The following SCN2A variants were observed in gnomAD, a reference collection of about 807,000 sequenced individuals.
SCN2A encodes sodium channel protein type 2 subunit alpha.
In SCN2A, 20 loss-of-function variants were observed where a neutral mutation model predicts 188.7. The ratio of observed to expected loss-of-function variants is 0.11; its 90% CI spans 0.07 to 0.15. The LOEUF is 0.15. Among genes scored for constraint, SCN2A ranks in the 10% least tolerant of loss-of-function variants. The pLI is 1.00. For synonymous variants in SCN2A, 804 were observed against 833.1 expected, an observed-to-expected ratio of 0.97 and a Z score of 0.60; for missense variants, 1,278 against 2,445.0, an observed-to-expected ratio of 0.52 and a Z score of 10.07.
At chr2:165,308,203 C>T (rs1482021335) in intron 4 of SCN2A, among the ~76,000 whole-genome samples, 1 of 152,030 alleles carries the variant, frequency 6.6e-6, no homozygotes, top group Non-Finnish European at 1.5e-5. Context: ...TTGAAGATCA[C>T]CAGTGATTTA....
At chr2:165,300,301 C>T (rs544598681) in intron 3 of SCN2A, among the ~76,000 whole-genome samples, 1 of 152,232 alleles carries the variant, frequency 6.6e-6, no homozygotes, top group South Asian at 2.1e-4. Context: ...GGTAGATATT[C>T]TTGTAAGCAT....
intron 1 of SCN2A, among the ~76,000 whole-genome samples, chr2:165,241,959 G>T (rs1295879894): frequency 6.6e-6 from 1 of 152,074 alleles, no homozygotes; most frequent in African/African-American, 2.4e-5. Context: ...AGAACTATAG[G>T]CATCGTATAG....
intron 1 of SCN2A, among the ~76,000 whole-genome samples, chr2:165,281,198 G>A (rs945550247): frequency 6.6e-6 from 1 of 152,154 alleles, no homozygotes; most frequent in African/African-American, 2.4e-5. Flanking sequence ...CTGGGCAACA[G>A]AGCAAGACCC....
intron 1 of SCN2A, among the ~76,000 whole-genome samples, chr2:165,286,632 A>T (rs1158531948): frequency 2.0e-5 from 3 of 152,186 alleles, no homozygotes; most frequent in Non-Finnish European, 4.4e-5. Context: ...TTGGCCCCAA[A>T]GGAAAGTTCT....
intron 17 of SCN2A, among the ~76,000 whole-genome samples, chr2:165,358,665 T>G (rs1478580578): frequency 6.6e-6 from 1 of 152,058 alleles, no homozygotes; most frequent in Non-Finnish European, 1.5e-5. Flanking sequence ...AGAGTCCATC[T>G]TCTTCATTTT....
chr2:165,316,853 C>G (rs1697780315), intron 11 of SCN2A, among the ~76,000 whole-genome samples: 1 of 152,164 alleles, frequency 6.6e-6, no homozygotes. Context: ...TAAATAGTTG[C>G]ACAATGTCAT....
intron 1 of SCN2A, among the ~76,000 whole-genome samples, chr2:165,262,498 C>G (rs1027947981): frequency 5.3e-5 from 8 of 152,228 alleles, no homozygotes; most frequent in African/African-American, 1.7e-4. Context: ...AGTTACTTCA[C>G]TTAGAATAAT....
At chr2:165,331,676 C>G (rs1698682853) in intron 14 of SCN2A, 108 bp downstream of exon 14, 4 of 882,968 alleles carry the variant, frequency 4.5e-6, no homozygotes, top group Non-Finnish European at 7.4e-6. Flanking sequence ...CCATGTATAT[C>G]TTGACATCAA....
chr2:165,372,193 G>A (rs1701069475), intron 20 of SCN2A: 1 of 152,112 alleles, frequency 6.6e-6, no homozygotes. Context: ...CAAAGCCTAA[G>A]AGTTTGGATT....
At chr2:165,290,835 A>G in intron 1 of SCN2A, 1 of 933,254 alleles carries the variant, frequency 1.1e-6, no homozygotes, top group Non-Finnish European at 1.3e-6. Context: ...CACATGGAAG[A>G]TATACCATAT....
intron 1 of SCN2A, among the ~76,000 whole-genome samples, chr2:165,284,022 C>A (rs1220827763): frequency 1.3e-5 from 2 of 152,004 alleles, no homozygotes; most frequent in African/African-American, 4.8e-5. Flanking sequence ...GTCTCCTATG[C>A]TCTCCTTCAC....
intron 3 of SCN2A, among the ~76,000 whole-genome samples, chr2:165,303,361 C>T (rs1438534207): frequency 6.7e-6 from 1 of 149,304 alleles, no homozygotes; most frequent in East Asian, 2.0e-4. Context: ...CTGCAAGCTC[C>T]GCCTTCCGGG....
intron 23 of SCN2A, 68 bp downstream of exon 23, chr2:165,377,718 T>C: frequency 1.6e-6 from 2 of 1,254,008 alleles, no homozygotes; most frequent in South Asian, 2.6e-5. Flanking sequence ...TGTAATTTAG[T>C]GATATTGTCA....
intron 2 of SCN2A, 84 bp from the exon 3 acceptor site, chr2:165,296,933 A>G: frequency 1.3e-6 from 1 of 766,246 alleles, no homozygotes; most frequent in South Asian, 1.6e-5. Context: ...GGCAATATTT[A>G]TAAATAATGG....
intron 14 of SCN2A, among the ~76,000 whole-genome samples, chr2:165,341,764 TA>T (rs1366132086): frequency 6.6e-6 from 1 of 152,216 alleles, no homozygotes; most frequent in African/African-American, 2.4e-5. Context: ...GAAATAGTTT[TA>T]GATAATAGAA....
rs148424455 is a variant in SCN2A at position 165,389,323 on chromosome 2, C to T, written c.5517C>T (p.Leu1839=). The change falls in exon 27 of 27, where the codon CTC becomes CTT. Residue 1839 remains leucine (L), a synonymous_variant. Coordinates refer to ENST00000375437, the MANE Select transcript of SCN2A (RefSeq NM_001040142.2). This position sits in a 1 kb window ranked among gnomAD's most constrained non-coding sequence, Gnocchi z 4.2. ...LLIAKPNKVQ[L]IAMDLPMVSG... ...TAGCAAAACCCAACAAAGTCCAGCT[C>T]ATTGCCATGGATCTGCCCATGGTGA... 203 of 1,614,086 alleles carry T rather than the reference C, an allele frequency of 1.3e-4. No individual in the cohort carries two copies. The highest frequency in any genetic ancestry group is 3.3e-4 in the Admixed American group (20 of 60,002).
At chr2:165,310,665 TTA>T in intron 7 of SCN2A, 70 bp downstream of exon 7, 1 of 1,095,866 alleles carries the variant, frequency 9.1e-7, no homozygotes, top group East Asian at 2.7e-5. Flanking sequence ...ATAATGGAAA[TTA>T]TCTCAATTTA....
At chr2:165,312,903 CT>C (rs1351207765) in intron 8 of SCN2A, among the ~76,000 whole-genome samples, 2 of 152,116 alleles carry the variant, frequency 1.3e-5, no homozygotes, top group African/African-American at 4.8e-5. Flanking sequence ...CATTTGGCTC[CT>C]ACGATCAGTG....
chr2:165,350,824 T>G (rs186855849), intron 16 of SCN2A, among the ~76,000 whole-genome samples: 322 of 152,276 alleles, frequency 2.1e-3, no homozygotes, highest in Non-Finnish European at 3.9e-3. Context: ...CCAGCTGTTA[T>G]GCGCATACCC....
Sources: gnomAD v4.1 joint callset for allele counts (sites outside exome capture counted in the v4.1 genomes callset) on GRCh38, gnomAD v4.1.1 for gene constraint, Gnocchi (gnomAD v3.1) non-coding constraint, MANE v1.5 for transcripts, NCBI Gene and HGNC (gene_info 2026-07-23, HGNC 2026-07-21) for gene names.